THSD7B: variants seen among roughly 807,000 people sequenced by gnomAD.
THSD7B encodes thrombospondin type-1 domain-containing protein 7B.
THSD7B carries 138 observed loss-of-function variants against 213.6 expected under a neutral mutation model. The observed-to-expected ratio is 0.65, with a 90% CI of 0.56 to 0.74. The LOEUF (loss-of-function observed/expected upper bound fraction) is 0.74, where lower values mean the gene tolerates loss of function less well. THSD7B is among the 30% of genes least tolerant of loss of function. THSD7B has a pLI of 0.00. For missense variants in THSD7B, 1,931 were observed against 1,991.5 expected, an observed-to-expected ratio of 0.97 and a Z score of 0.58; for synonymous variants, 742 against 687.0, an observed-to-expected ratio of 1.08 and a Z score of -1.25.
chr2:137,076,536 C>G (rs1461361761), intron 3 of THSD7B, among the ~76,000 whole-genome samples: 2 of 152,236 alleles, frequency 1.3e-5, no homozygotes, highest in Non-Finnish European at 2.9e-5. Flanking sequence ...CCTTGTGCTT[C>G]CCGGGTGAGG....
chr2:137,501,219 T>C (rs1312012543), intron 15 of THSD7B, among the ~76,000 whole-genome samples: 1 of 152,194 alleles, frequency 6.6e-6, no homozygotes, highest in Non-Finnish European at 1.5e-5. Flanking sequence ...CATATGCAAA[T>C]GTATTTTATT....
Position 137,094,960 on chromosome 2 carries a change from C to T in THSD7B, c.1038C>T (p.Ser346=), listed in dbSNP as rs763780322. The T allele has an allele frequency of 6.2e-7, 1 of 1,613,880 alleles. No homozygotes were observed. Among genetic ancestry groups the T allele is most frequent in the South Asian group, 1.1e-5 (1 of 91,084 alleles). The change falls in exon 4 of 28, where the codon AGC becomes AGT. Residue 346 remains serine (S), a synonymous_variant. Transcript: ENST00000409968. ...DCETSQWSSW[S]PCSKTCRSGS... is the part of the protein sequence containing the mutation. ...AAACCTCCCAGTGGTCCTCCTGGAG[C>T]CCCTGCTCCAAGACATGCCGTTCAG...
intron 14 of THSD7B, among the ~76,000 whole-genome samples, chr2:137,421,235 G>C (rs1327915132): frequency 6.6e-6 from 1 of 152,134 alleles, no homozygotes. Context: ...CCCAGCAGCA[G>C]ATACCAGTTG....
Position 137,215,961 on chromosome 2 carries a change from T to C in THSD7B, c.1724-15083T>C, listed in dbSNP as rs184671754. Among the ~76,000 whole-genome samples the C allele has an allele frequency of 2.0e-4, 30 of 152,200 alleles. 1 individual carries two copies. Among genetic ancestry groups the C allele is most frequent in the Non-Finnish European group, 4.4e-5 (3 of 67,986 alleles). ...GTCAATGTTTCAATATTTTATGAAA[T>C]TAGCAAAGCTTTATTGTATTTTCTG... On this transcript the variant is annotated intron_variant, in intron 7 of 27. Transcript: ENST00000409968.
intron 5 of THSD7B, among the ~76,000 whole-genome samples, chr2:137,130,010 T>G (rs997385323): frequency 2.6e-5 from 4 of 152,140 alleles, no homozygotes; most frequent in African/African-American, 9.7e-5. Context: ...GTCTGACAGT[T>G]TTTATGTTTT....
chr2:137,512,933 A>G (rs2105154766), intron 15 of THSD7B, among the ~76,000 whole-genome samples: 1 of 152,278 alleles, frequency 6.6e-6, no homozygotes, highest in Non-Finnish European at 1.5e-5. Flanking sequence ...TTCAAGTTCA[A>G]GCAGAGTGGG....
At chr2:137,198,973 T>C (rs993007631) in intron 7 of THSD7B, among the ~76,000 whole-genome samples, 4 of 152,196 alleles carry the variant, frequency 2.6e-5, no homozygotes, top group African/African-American at 9.6e-5. Flanking sequence ...GGACTTGCAC[T>C]GTTTATAAGA....
chr2:137,151,588 G>A lies in THSD7B; in HGVS notation c.1370-8625G>A, dbSNP rs370478850. On this transcript the variant is annotated intron_variant, in intron 5 of 27. Coordinates refer to ENST00000409968, the MANE Select transcript of THSD7B (RefSeq NM_001316349.2). ...TTCTGGAATACCTCCTGAAGGACCT[G>A]CCTGAGGCTGTTTTACAGTTAATTA... Among the ~76,000 whole-genome samples the A allele has an allele frequency of 4.0e-5, 6 of 151,648 alleles. No homozygotes were observed. In the East Asian group the frequency reaches 1.2e-3, roughly 29 times the overall value.
In THSD7B at chr2:137,199,368, C is replaced by T. The variant is rs562702223; in HGVS notation, c.1723+28430C>T. On this transcript the variant is annotated intron_variant, in intron 7 of 27. Coordinates refer to ENST00000409968, the MANE Select transcript of THSD7B (RefSeq NM_001316349.2). ...GTTTATATAAAATAAAAAGTAAGTC[C>T]CCTTCTCAAAACCTCCTTCCATTTA... is the stretch of plus-strand genomic sequence containing the variant. Among the ~76,000 whole-genome samples the T allele has an allele frequency of 1.3e-5, 2 of 152,114 alleles. 1 individual carries two copies. Among genetic ancestry groups the T allele is most frequent in the East Asian group, 3.9e-4 (2 of 5,170 alleles).
intron 1 of THSD7B, among the ~76,000 whole-genome samples, chr2:136,862,854 G>A (rs1309359794): frequency 1.3e-5 from 2 of 152,176 alleles, no homozygotes; most frequent in East Asian, 3.9e-4. Flanking sequence ...TGGAGAGCTT[G>A]CCCTGTTTTC....
At chr2:136,986,624 T>G (rs1685678097) in intron 2 of THSD7B, among the ~76,000 whole-genome samples, 1 of 152,198 alleles carries the variant, frequency 6.6e-6, no homozygotes, top group Non-Finnish European at 1.5e-5. Context: ...ATAACAAGCT[T>G]CTAAAGGTAG....
At chr2:137,399,448 C>T (rs1245225765) in intron 12 of THSD7B, among the ~76,000 whole-genome samples, 1 of 152,094 alleles carries the variant, frequency 6.6e-6, no homozygotes, top group African/African-American at 2.4e-5. Context: ...CAGCCTTGGC[C>T]TCCGAAAGTG....
chr2:137,396,111 C>T (rs1459174165), intron 12 of THSD7B, among the ~76,000 whole-genome samples: 5 of 148,556 alleles, frequency 3.4e-5, no homozygotes, highest in Non-Finnish European at 7.5e-5. Context: ...TTTCAAAAAA[C>T]CAGCTCCTGG....
At chr2:137,177,206 A>C (rs1214759090) in intron 7 of THSD7B, among the ~76,000 whole-genome samples, 2 of 152,212 alleles carry the variant, frequency 1.3e-5, no homozygotes, top group Non-Finnish European at 2.9e-5. Flanking sequence ...GAAAACATAA[A>C]ACATATTATT....
intron 2 of THSD7B, among the ~76,000 whole-genome samples, chr2:136,930,269 G>A (rs1485672847): frequency 1.3e-5 from 2 of 152,188 alleles, no homozygotes; most frequent in Admixed American, 1.3e-4. Flanking sequence ...AGGCTATAAT[G>A]AATTATTGGG....
At chr2:136,807,812 T>C (rs1682311669) in intron 1 of THSD7B, among the ~76,000 whole-genome samples, 1 of 152,120 alleles carries the variant, frequency 6.6e-6, no homozygotes, top group South Asian at 2.1e-4. Context: ...GGCCACAAAA[T>C]GTTTCTAGCT....
intron 15 of THSD7B, among the ~76,000 whole-genome samples, chr2:137,480,661 C>T (rs146913753): frequency 1.1e-4 from 16 of 152,182 alleles, no homozygotes; most frequent in African/African-American, 3.9e-4. Context: ...TTTCAAGAAC[C>T]GTCCAATTAA....
intron 10 of THSD7B, among the ~76,000 whole-genome samples, chr2:137,259,406 T>C (rs556593395): frequency 3.9e-5 from 6 of 152,348 alleles, no homozygotes; most frequent in African/African-American, 1.4e-4. Context: ...CATCTCATTG[T>C]GGTTTTGATT....
At chr2:137,518,964 G>A (rs960373088) in intron 15 of THSD7B, among the ~76,000 whole-genome samples, 1 of 152,158 alleles carries the variant, frequency 6.6e-6, no homozygotes, top group Non-Finnish European at 1.5e-5. Flanking sequence ...AAAGGGGAAA[G>A]GGGCTGGGCA....
Sources: gnomAD v4.1 joint callset for allele counts (sites outside exome capture counted in the v4.1 genomes callset) on GRCh38, gnomAD v4.1.1 for gene constraint, MANE v1.5 for transcripts, NCBI Gene and HGNC (gene_info 2026-07-23, HGNC 2026-07-21) for gene names.